The following LTBP1 variants were observed in gnomAD, a reference collection of about 807,000 sequenced individuals.
The protein encoded by LTBP1 is latent-transforming growth factor beta-binding protein 1.
Under a neutral mutation model 207.6 loss-of-function variants are expected in LTBP1, and 129 were observed. The ratio of observed to expected loss-of-function variants is 0.62; its 90% confidence interval spans 0.54 to 0.72. LTBP1 has a LOEUF of 0.72. LTBP1 is among the 30% of genes least tolerant of loss of function. LTBP1 has a pLI of 0.00. For synonymous variants in LTBP1, 963 were observed against 833.7 expected (o/e 1.16, Z -2.67); for missense variants, 2,281 against 2,217.2 (o/e 1.03, Z -0.58).
intron 7 of LTBP1, among the ~76,000 whole-genome samples, chr2:33,202,883 C>T (rs372425419): frequency 6.6e-6 from 1 of 152,214 alleles, no homozygotes; most frequent in African/African-American, 2.4e-5. Flanking sequence ...TACTAGACAT[C>T]TGTCTTCTTG....
chr2:33,031,908 G>A (rs943928637), intron 3 of LTBP1, among the ~76,000 whole-genome samples: 1 of 152,158 alleles, frequency 6.6e-6, no homozygotes, highest in African/African-American at 2.4e-5. Context: ...GGGGTGCTAA[G>A]AGAGTGTGAG....
intron 2 of LTBP1, among the ~76,000 whole-genome samples, chr2:32,959,621 A>ATATATTTTTTTT (rs1475834284): frequency 5.5e-5 from 2 of 36,670 alleles, no homozygotes; most frequent in East Asian, 7.1e-4. Context: ...ATATATATAT[A>ATATATTTTTTTT]TTTTTTTTTT....
intron 9 of LTBP1, among the ~76,000 whole-genome samples, chr2:33,238,497 C>A (rs1399920916): frequency 6.6e-6 from 1 of 152,142 alleles, no homozygotes; most frequent in Non-Finnish European, 1.5e-5. Context: ...TGGCAACTGG[C>A]AGATTGTTTT....
chr2:33,272,715 A>G (rs1035168621), intron 15 of LTBP1, among the ~76,000 whole-genome samples: 2 of 152,214 alleles, frequency 1.3e-5, no homozygotes, highest in Non-Finnish European at 2.9e-5. Context: ...GGGCAGCAGC[A>G]TTTGTGCCTG....
intron 2 of LTBP1, among the ~76,000 whole-genome samples, chr2:32,973,161 G>C (rs1681170612): frequency 6.6e-6 from 1 of 152,040 alleles, no homozygotes; most frequent in Non-Finnish European, 1.5e-5. Flanking sequence ...AGGTCTACTT[G>C]TCCAAGTGTT....
rs561309817 is a variant in LTBP1 at position 32,996,177 on chromosome 2, A to G, written c.566-24732A>G. On this transcript the variant is annotated intron_variant, in intron 2 of 33. Transcript: ENST00000404816. Reference sequence around the variant, plus strand: ...GTAAACTGGGTGGCTTATAAACAGCAGAAATATTTCTCACAGTTTTGGAGG... The same window carrying G: ...GTAAACTGGGTGGCTTATAAACAGCGGAAATATTTCTCACAGTTTTGGAGG... Among the ~76,000 whole-genome samples, 18 of 152,338 alleles carry G rather than the reference A, an allele frequency of 1.2e-4. 1 individual carries two copies. In the South Asian group the frequency reaches 3.3e-3, roughly 28 times the overall value.
chr2:32,991,261 T>C (rs2148855051), intron 2 of LTBP1, among the ~76,000 whole-genome samples: 1 of 152,364 alleles, frequency 6.6e-6, no homozygotes, highest in African/African-American at 2.4e-5. Flanking sequence ...ATTTTAAAAA[T>C]GGATCTTAGG....
At chr2:33,204,555 CT>C (rs539318911) in intron 7 of LTBP1, among the ~76,000 whole-genome samples, 1 of 151,096 alleles carries the variant, frequency 6.6e-6, no homozygotes, top group Non-Finnish European at 1.5e-5. Context: ...CATTCTGTGG[CT>C]TCAAGATAAG....
At chr2:33,112,793 C>T (rs2080493175) in intron 4 of LTBP1, among the ~76,000 whole-genome samples, 1 of 152,170 alleles carries the variant, frequency 6.6e-6, no homozygotes, top group South Asian at 2.1e-4. Flanking sequence ...TCTCTGCATA[C>T]TCCTGTTCTG....
intron 3 of LTBP1, among the ~76,000 whole-genome samples, chr2:33,102,711 C>G (rs886789928): frequency 2.6e-5 from 4 of 152,188 alleles, no homozygotes; most frequent in Non-Finnish European, 5.9e-5. Flanking sequence ...CTGGTTTTCC[C>G]ATATTCTTTA....
chr2:33,061,523 T>A (rs1003718323), intron 3 of LTBP1: 5 of 152,146 alleles, frequency 3.3e-5, no homozygotes, highest in Non-Finnish European at 7.4e-5. Flanking sequence ...TTCACCATAC[T>A]TTTCACTATT....
chr2:33,326,703 G>T (rs1188646831), intron 24 of LTBP1, among the ~76,000 whole-genome samples: 1 of 141,068 alleles, frequency 7.1e-6, no homozygotes, highest in African/African-American at 2.8e-5. Flanking sequence ...CTGTTACTCA[G>T]GCTGGAGTGC....
chr2:33,110,811 T>A, intron 4 of LTBP1, 60 bp downstream of exon 4: 1 of 1,540,310 alleles, frequency 6.5e-7, no homozygotes, highest in Non-Finnish European at 8.9e-7. Flanking sequence ...GGAAACACTT[T>A]GTTCAGTGTA....
chr2:33,217,989 C>G (rs919642310), intron 8 of LTBP1, among the ~76,000 whole-genome samples: 1 of 151,926 alleles, frequency 6.6e-6, no homozygotes, highest in Non-Finnish European at 1.5e-5. Context: ...TGTTTCAAAC[C>G]CTGTAAAAAG....
intron 5 of LTBP1, among the ~76,000 whole-genome samples, chr2:33,172,560 CTT>C (rs1460488737): frequency 6.6e-6 from 1 of 152,142 alleles, no homozygotes. Flanking sequence ...TAATGGGAGA[CTT>C]TAACACCCCA....
At chr2:33,112,732 G>A (rs1478328449) in intron 4 of LTBP1, among the ~76,000 whole-genome samples, 1 of 152,158 alleles carries the variant, frequency 6.6e-6, no homozygotes, top group East Asian at 1.9e-4. Context: ...CACAAAAGAT[G>A]ATTAAAACTG....
chr2:33,229,334 G>A (rs2091651319), intron 9 of LTBP1, among the ~76,000 whole-genome samples: 1 of 151,992 alleles, frequency 6.6e-6, no homozygotes, highest in Non-Finnish European at 1.5e-5. Flanking sequence ...AATTTGCTGG[G>A]TGTGGTGGTG....
At chr2:33,154,359 A>G (rs984593341) in intron 5 of LTBP1, among the ~76,000 whole-genome samples, 1 of 151,948 alleles carries the variant, frequency 6.6e-6, no homozygotes, top group Admixed American at 6.6e-5. Flanking sequence ...CCAAACACTC[A>G]TTTCTCCTTC....
In LTBP1 at chr2:33,362,190, G is replaced by T. The variant is rs139098695; in HGVS notation, c.4270+675G>T. 9.7e-3 allele frequency among the ~76,000 whole-genome samples: 1,483 copies of T among 152,222 alleles called. 10 individuals are homozygous for T. Among genetic ancestry groups the T allele is most frequent in the South Asian group, 0.019 (92 of 4,816 alleles). Reference sequence around the variant, plus strand: ...AGATATTACCTTTTATATACAAAGTGATTTTTTTTCCTTTATAGTTTAATA... The same window carrying T: ...AGATATTACCTTTTATATACAAAGTTATTTTTTTTCCTTTATAGTTTAATA... On this transcript the variant is annotated intron_variant, in intron 28 of 33. Coordinates refer to ENST00000404816, the MANE Select transcript of LTBP1 (RefSeq NM_206943.4).
Sources: allele counts gnomAD v4.1 joint callset (sites outside exome capture counted in the v4.1 genomes callset), GRCh38; gene constraint gnomAD v4.1.1; transcripts MANE v1.5; gene names NCBI Gene and HGNC (gene_info 2026-07-23, HGNC 2026-07-21).